The following CEACAM20 variants were observed in gnomAD, a reference collection of about 807,000 sequenced individuals.
CEACAM20 encodes the protein CEA cell adhesion molecule 20.
A neutral mutation model predicts 61.2 loss-of-function variants in CEACAM20; 50 were observed. The observed-to-expected ratio is 0.82, with a 90% confidence interval of 0.65 to 1.03. The LOEUF (loss-of-function observed/expected upper bound fraction) is 1.03, where lower values mean the gene tolerates loss of function less well. CEACAM20 is among the 50% of genes least tolerant of loss of function. CEACAM20 has a pLI of 0.00. For synonymous variants in CEACAM20, 282 were observed against 287.7 expected (o/e 0.98, Z 0.20); for missense variants, 683 against 736.4 (o/e 0.93, Z 0.84).
At chr19:44,526,211 C>T (rs1019285405) in intron 1 of CEACAM20, among the ~76,000 whole-genome samples, 6 of 152,138 alleles carry the variant, frequency 3.9e-5, no homozygotes, top group African/African-American at 1.2e-4. Context: ...AACAAGATAG[C>T]AGGTTTCCAG....
In CEACAM20 at chr19:44,520,702, T is replaced by C; in HGVS notation, c.802A>G (p.Asn268Asp). ...VVPSSLNLVE[N>D]ARSVDLTCQT... ...CAGGTCAGGTCCACAGACCTAGCAT[T>C]CTCCACAAGGTTCAGGCTTGAAGGC... The change falls in exon 5 of 12, where the codon AAT (asparagine) becomes GAT (aspartate). Residue 268 changes from asparagine (N) to aspartate (D), a missense_variant. By Grantham distance (23) the Asn-to-Asp change is conservative. Transcript: ENST00000614924. 1.2e-6 allele frequency: 2 copies of C among 1,613,966 alleles called. No homozygotes were observed. The highest frequency in any genetic ancestry group is 1.7e-6 in the Non-Finnish European group (2 of 1,179,882).
chr19:44,523,950 T>A (rs895194463), intron 3 of CEACAM20, 36 bp downstream of exon 3: 1 of 1,526,506 alleles, frequency 6.6e-7, no homozygotes, highest in African/African-American at 1.4e-5. Flanking sequence ...CAAGTGAGTG[T>A]CAGTGAGGGG....
At chr19:44,521,535 G>T (rs879320880) in intron 4 of CEACAM20, among the ~76,000 whole-genome samples, 1 of 152,074 alleles carries the variant, frequency 6.6e-6, no homozygotes, top group Admixed American at 6.6e-5. Flanking sequence ...TTGTGTGTGT[G>T]TTGTGAGTTT....
intron 1 of CEACAM20, among the ~76,000 whole-genome samples, chr19:44,526,013 C>T (rs1971519691): frequency 6.6e-6 from 1 of 152,220 alleles, no homozygotes; most frequent in Non-Finnish European, 1.5e-5. Flanking sequence ...TAAACTTGAA[C>T]CTGGCCTGCC....
intron 1 of CEACAM20, among the ~76,000 whole-genome samples, chr19:44,525,828 G>C (rs958540745): frequency 2.0e-5 from 3 of 152,166 alleles, no homozygotes; most frequent in Admixed American, 2.0e-4. Context: ...TTGTTGTGGG[G>C]GTGGCAATGA....
intron 4 of CEACAM20, among the ~76,000 whole-genome samples, chr19:44,522,123 T>C (rs1453317777): frequency 1.3e-5 from 2 of 151,794 alleles, no homozygotes; most frequent in South Asian, 2.1e-4. Context: ...TTTTTTTTTT[T>C]AGACAGAGTC....
At chr19:44,508,694 TTTC>T (rs1240914066) in intron 11 of CEACAM20, among the ~76,000 whole-genome samples, 1 of 152,144 alleles carries the variant, frequency 6.6e-6, no homozygotes, top group Non-Finnish European at 1.5e-5. Context: ...CTGGCCCAGT[TTTC>T]TTCTTTTTGA....
chr19:44,525,552 C>A (rs1324001686), intron 1 of CEACAM20, among the ~76,000 whole-genome samples: 1 of 152,196 alleles, frequency 6.6e-6, no homozygotes, highest in Non-Finnish European at 1.5e-5. Flanking sequence ...AAGGGATTCT[C>A]CAGCCTCAGC....
intron 5 of CEACAM20, among the ~76,000 whole-genome samples, chr19:44,519,882 G>A (rs1164965170): frequency 6.6e-6 from 1 of 152,146 alleles, no homozygotes. Context: ...AACTAAGGCA[G>A]GCCCCTTCCT....
At chr19:44,528,775 C>T (rs1394176002) in intron 1 of CEACAM20, among the ~76,000 whole-genome samples, 2 of 150,768 alleles carry the variant, frequency 1.3e-5, no homozygotes, top group Non-Finnish European at 3.0e-5. Flanking sequence ...TTTTTTCTGT[C>T]TCTGTCTCTC....
intron 5 of CEACAM20, 95 bp downstream of exon 5, chr19:44,520,379 G>A (rs1270147708): frequency 6.8e-7 from 1 of 1,473,112 alleles, no homozygotes; most frequent in African/African-American, 1.4e-5. Context: ...CAGAGCAGGA[G>A]CTCAATAATC....
At chr19:44,517,247 T>C (rs756837559) in intron 5 of CEACAM20, 23 bp from the exon 6 acceptor site, 1 of 1,596,788 alleles carries the variant, frequency 6.3e-7, no homozygotes, top group Non-Finnish European at 8.5e-7. Context: ...CCAAACGTGA[T>C]GCACCCTGGC....
chr19:44,506,458 A>G (rs558465533), intron 11 of CEACAM20, among the ~76,000 whole-genome samples: 4 of 152,322 alleles, frequency 2.6e-5, no homozygotes, highest in African/African-American at 7.2e-5. Flanking sequence ...CCTGGTATTC[A>G]TTCCTTTATG....
chr19:44,524,325 T>C (rs189927054), intron 2 of CEACAM20, 64 bp from the exon 3 acceptor site: 2 of 1,516,946 alleles, frequency 1.3e-6, no homozygotes, highest in East Asian at 4.5e-5. Flanking sequence ...CAAGACATAG[T>C]CACAGAGGGA....
intron 5 of CEACAM20, 105 bp downstream of exon 5, chr19:44,520,369 C>T: frequency 7.0e-7 from 1 of 1,433,182 alleles, no homozygotes; most frequent in Non-Finnish European, 9.4e-7. Context: ...ATGCCTGACA[C>T]AGAGCAGGAG....
At position 44,529,624 on chromosome 19, in the gene CEACAM20, C is replaced by G. The variant is rs898970211; in HGVS notation, c.-115G>C. 35 of 798,678 alleles carry G rather than the reference C, an allele frequency of 4.4e-5. No individual in the cohort carries two copies. Among genetic ancestry groups the G allele is most frequent in the Non-Finnish European group, 6.7e-5 (32 of 479,834 alleles). The allele number at this position is 798,678 out of a possible 1,614,324, so 49.5% of individuals were successfully genotyped here. The stretch of plus-strand genomic sequence containing the variant: ...CCACCTCCCTTCTCTCCTCTCCCAC[C>G]CTGCTACAAACTCACACACACACTG... On this transcript the variant is annotated 5_prime_UTR_variant, in exon 1 of 12. Coordinates refer to ENST00000614924, the MANE Select transcript of CEACAM20 (RefSeq NM_001102597.3).
At position 44,524,120 on chromosome 19, in the gene CEACAM20, C is replaced by T. The variant is rs13345196; in HGVS notation, c.338G>A (p.Arg113His). 5,356 of 1,610,630 alleles carry T rather than the reference C, an allele frequency of 3.3e-3. 149 individuals are homozygous for T. The African/African-American group carries it at 0.063, about 19-fold the overall frequency. Residue 113 changes from arginine to histidine, a missense_variant, in exon 3 of 12, where the codon CGC becomes CAC. Arg to His is a conservative substitution (Grantham distance 29). Transcript: ENST00000614924. ...SNNLSIVFHE[R>H]MQLSKDGKIL... Reference sequence around the variant, plus strand: ...CTTGCCATCCTTGGACAGCTGCATGCGCTCATGGAACACAATGGAGAGGTT... The same window carrying T: ...CTTGCCATCCTTGGACAGCTGCATGTGCTCATGGAACACAATGGAGAGGTT...
intron 6 of CEACAM20, among the ~76,000 whole-genome samples, chr19:44,514,765 C>T (rs979736038): frequency 6.6e-6 from 1 of 151,994 alleles, no homozygotes; most frequent in African/African-American, 2.4e-5. Flanking sequence ...GGCCGCATCT[C>T]CATTTCTTTA....
rs893786115 is a variant in CEACAM20, at chr19:44,529,338, C to T, written c.52+120G>A. ...CTCTATTTTTTTTCTCTGCCTCCATCTCTTTTTCCTCGAGTGCACACACAC... is the reference window on the plus strand; with the variant it reads ...CTCTATTTTTTTTCTCTGCCTCCATTTCTTTTTCCTCGAGTGCACACACAC... On this transcript the variant is annotated intron_variant, in intron 1 of 11. Coordinates refer to ENST00000614924, the MANE Select transcript of CEACAM20 (RefSeq NM_001102597.3). 1.5e-5 allele frequency: 13 copies of T among 892,274 alleles called. No homozygotes were observed. In the Admixed American group the frequency reaches 1.6e-4, roughly 11 times the overall value. 55.3% of individuals were successfully genotyped at this position (892,274 alleles called of 1,614,324 possible).
Sources: gnomAD v4.1 joint callset for allele counts (sites outside exome capture counted in the v4.1 genomes callset) on GRCh38, gnomAD v4.1.1 for gene constraint, MANE v1.5 for transcripts, NCBI Gene and HGNC (gene_info 2026-07-23, HGNC 2026-07-21) for gene names.